ARHGAP29: variants seen among roughly 807,000 people sequenced by gnomAD.
ARHGAP29 encodes the protein rho GTPase-activating protein 29.
Under a neutral mutation model 122.6 loss-of-function variants are expected in ARHGAP29, and 43 were observed. The observed-to-expected ratio is 0.35, with a 90% CI of 0.27 to 0.45. The LOEUF is 0.45. Ranked by LOEUF, ARHGAP29 falls within the 20% of genes least tolerant of loss-of-function variation. The pLI is 1.00. For synonymous variants in ARHGAP29, 506 were observed against 497.1 expected, an observed-to-expected ratio of 1.02 and a Z score of -0.24; for missense variants, 1,303 against 1,477.2, an observed-to-expected ratio of 0.88 and a Z score of 1.93.
chr1:94,258,825 G>A (rs1452640710), intron 1 of ARHGAP29, among the ~76,000 whole-genome samples: 1 of 152,196 alleles, frequency 6.6e-6, no homozygotes, highest in Non-Finnish European at 1.5e-5. Context: ...ATATGAACAA[G>A]TTCACCCAGC....
rs1557834288 is a variant in ARHGAP29, at chr1:94,174,170, TGTTGAGGCTGCA to T, written c.3473_3484del (p.Leu1158_Gln1161del). On this transcript the variant is annotated inframe_deletion, in exon 23 of 23. Transcript: ENST00000260526. ...ATGTGGTTTATAAAATGTTGTCCAA[TGTTGAGGCTGCA>T]GTGTTCTGGGTGCTCTGACAGGAGC... The T allele has an allele frequency of 6.2e-7, 1 of 1,614,150 alleles. No individual in the cohort carries two copies. Among genetic ancestry groups the T allele is most frequent in the East Asian group, 2.2e-5 (1 of 44,874 alleles).
At chr1:94,246,814 T>A (rs1653816923) in intron 1 of ARHGAP29, among the ~76,000 whole-genome samples, 1 of 151,800 alleles carries the variant, frequency 6.6e-6, no homozygotes, top group African/African-American at 2.4e-5. Context: ...GTAGGTGCAA[T>A]CTCCCAGCTT....
At position 94,169,921 on chromosome 1, in the gene ARHGAP29, C is replaced by T. The variant is rs1246374319; in HGVS notation, c.*3948G>A. Among the ~76,000 whole-genome samples, 4 of 152,156 alleles carry T rather than the reference C, an allele frequency of 2.6e-5. No individual in the cohort carries two copies. The highest frequency in any genetic ancestry group is 9.7e-5 in the African/African-American group (4 of 41,430). ...AAAATAAGTGACAATAATACACTGT[C>T]ACTGAATAAAGCAGGCATTCATGAA... On this transcript the variant is annotated 3_prime_UTR_variant, in exon 23 of 23. Transcript: ENST00000260526.
chr1:94,305,655 A>G, the ARHGAP29 span, among the ~76,000 whole-genome samples: 1 of 152,228 alleles, frequency 6.6e-6, no homozygotes, highest in Non-Finnish European at 1.5e-5. Context: ...GTGCCAATAG[A>G]TGGCAGGGGG....
At chr1:94,277,313 GC>G (rs1174845929), upstream of ARHGAP29, among the ~76,000 whole-genome samples, 5 of 152,134 alleles carry the variant, frequency 3.3e-5, no homozygotes, top group African/African-American at 4.8e-5. Flanking sequence ...AGTTAAATAT[GC>G]AGAGGGAGGG....
intron 15 of ARHGAP29, among the ~76,000 whole-genome samples, chr1:94,188,251 A>C (rs895809029): frequency 3.9e-5 from 6 of 152,166 alleles, no homozygotes; most frequent in Non-Finnish European, 8.8e-5. Flanking sequence ...TCATGAGATA[A>C]TCTATATTAA....
At chr1:94,209,995 C>T (rs999794961) in intron 3 of ARHGAP29, among the ~76,000 whole-genome samples, 1 of 152,048 alleles carries the variant, frequency 6.6e-6, no homozygotes, top group Non-Finnish European at 1.5e-5. Flanking sequence ...ATTTTGTTTA[C>T]AATAGAGATA....
chr1:94,219,609 T>C (rs1392319770), intron 3 of ARHGAP29, among the ~76,000 whole-genome samples: 1 of 152,120 alleles, frequency 6.6e-6, no homozygotes, highest in East Asian at 1.9e-4. Context: ...AATCTCCTAT[T>C]TCCCTGCCTC....
the ARHGAP29 span, among the ~76,000 whole-genome samples, chr1:94,292,910 G>T: frequency 6.6e-6 from 1 of 152,114 alleles, no homozygotes; most frequent in East Asian, 1.9e-4. Flanking sequence ...GGCTACACGG[G>T]GGTCTGGGAC....
At chr1:94,186,806 A>G (rs186586823) in intron 15 of ARHGAP29, among the ~76,000 whole-genome samples, 58 of 152,326 alleles carry the variant, frequency 3.8e-4, no homozygotes, top group Admixed American at 9.2e-4. Flanking sequence ...ACTTTCCCAA[A>G]CAAATTTAAA....
At chr1:94,287,987 G>T in the ARHGAP29 span, among the ~76,000 whole-genome samples, 2 of 152,136 alleles carry the variant, frequency 1.3e-5, no homozygotes, top group East Asian at 3.9e-4. Context: ...CTTTATAGTA[G>T]CAAGATTTAT....
intron 1 of ARHGAP29, among the ~76,000 whole-genome samples, chr1:94,272,231 G>T (rs953787335): frequency 1.3e-5 from 2 of 152,206 alleles, no homozygotes; most frequent in Non-Finnish European, 2.9e-5. Flanking sequence ...AGGAAGGAGA[G>T]GGTGAGTGTC....
chr1:94,214,753 A>C (rs1027409663), intron 3 of ARHGAP29, among the ~76,000 whole-genome samples: 8 of 152,284 alleles, frequency 5.3e-5, no homozygotes, highest in African/African-American at 1.9e-4. Flanking sequence ...CCCAATACCA[A>C]GTCCTAAGAC....
chr1:94,229,336 A>T (rs1221083862), intron 2 of ARHGAP29, among the ~76,000 whole-genome samples: 1 of 151,808 alleles, frequency 6.6e-6, no homozygotes, highest in African/African-American at 2.4e-5. Context: ...TTAAGTAAAT[A>T]AGGAATAGTC....
chr1:94,182,402 CA>C (rs1649532175), intron 19 of ARHGAP29, among the ~76,000 whole-genome samples: 1 of 151,986 alleles, frequency 6.6e-6, no homozygotes, highest in Non-Finnish European at 1.5e-5. Flanking sequence ...AAATGAGCAG[CA>C]AAATGGGAAG....
chr1:94,204,199 C>G, intron 7 of ARHGAP29, among the ~76,000 whole-genome samples: 1 of 149,890 alleles, frequency 6.7e-6, no homozygotes, highest in East Asian at 2.0e-4. Flanking sequence ...CGAGGCTGGT[C>G]TCGAACTCCC....
chr1:94,228,495 C>A (rs1266639049), intron 2 of ARHGAP29, among the ~76,000 whole-genome samples: 1 of 151,716 alleles, frequency 6.6e-6, no homozygotes, highest in Non-Finnish European at 1.5e-5. Flanking sequence ...AACCTAGATT[C>A]TGATTCTCTT....
intron 1 of ARHGAP29, among the ~76,000 whole-genome samples, chr1:94,246,164 C>T (rs1053273372): frequency 1.3e-5 from 2 of 152,176 alleles, no homozygotes; most frequent in African/African-American, 4.8e-5. Context: ...TGTATACATA[C>T]TGTAAAGCTC....
At position 94,171,631 on chromosome 1, in the gene ARHGAP29, C is replaced by G. The variant is rs539677335; in HGVS notation, c.*2238G>C. On this transcript the variant is annotated 3_prime_UTR_variant, in exon 23 of 23. Coordinates refer to ENST00000260526, the MANE Select transcript of ARHGAP29 (RefSeq NM_004815.4). The stretch of plus-strand genomic sequence containing the variant: ...TCCTCTAGAAATAGCAACCTCTTCT[C>G]AAGAGATACTTGCCTCAGGGCCCCA... The G allele has an allele frequency of 6.6e-6, 1 of 152,196 alleles. No homozygotes were observed. The highest frequency in any genetic ancestry group is 1.5e-5 in the Non-Finnish European group (1 of 68,050). The allele number at this position is 152,196 out of a possible 1,614,324, so 9.4% of individuals were successfully genotyped here.
Sources: allele counts gnomAD v4.1 joint callset (sites outside exome capture counted in the v4.1 genomes callset), GRCh38; gene constraint gnomAD v4.1.1; transcripts MANE v1.5; gene names NCBI Gene and HGNC (gene_info 2026-07-23, HGNC 2026-07-21).